The following ANK1 variants were observed in gnomAD, a reference collection of about 807,000 sequenced individuals.
ANK1 encodes the protein ankyrin-1.
ANK1 carries 51 observed loss-of-function variants against 210.4 expected under a neutral mutation model. That is an observed-to-expected ratio of 0.24 (90% CI 0.19 to 0.31). The LOEUF (loss-of-function observed/expected upper bound fraction) is 0.31, where lower values mean the gene tolerates loss of function less well. Ranked by LOEUF, ANK1 falls within the 10% of genes least tolerant of loss-of-function variation. The pLI, the probability that ANK1 is intolerant of heterozygous loss-of-function variation, is 1.00. For synonymous variants in ANK1, 967 were observed against 1,025.9 expected (o/e 0.94, Z 1.10); for missense variants, 2,051 against 2,504.4 (o/e 0.82, Z 3.86).
At chr8:41,767,241 G>A (rs543625482) in intron 1 of ANK1, among the ~76,000 whole-genome samples, 1 of 152,058 alleles carries the variant, frequency 6.6e-6, no homozygotes, top group African/African-American at 2.4e-5. Flanking sequence ...CGGGCGCGGA[G>A]CCACAACCCG....
chr8:41,733,903 G>C (rs1225045950), intron 3 of ANK1, 68 bp downstream of exon 3: 1 of 1,305,214 alleles, frequency 7.7e-7, no homozygotes, highest in Non-Finnish European at 1.1e-6. Flanking sequence ...TGAAGGACTG[G>C]TTTCTAAGGA....
intron 1 of ANK1, among the ~76,000 whole-genome samples, chr8:41,780,946 TG>T (rs1845187227): frequency 6.7e-6 from 1 of 148,438 alleles, no homozygotes; most frequent in African/African-American, 2.5e-5. Flanking sequence ...AGGATGCAGC[TG>T]GGGGTGGGGA....
At chr8:41,696,109 C>G (rs1016431352) in intron 26 of ANK1, among the ~76,000 whole-genome samples, 3 of 152,170 alleles carry the variant, frequency 2.0e-5, no homozygotes, top group Non-Finnish European at 4.4e-5. Flanking sequence ...AGGCTGGTCT[C>G]GAACTCCTGG....
chr8:41,714,841 CA>C (rs1563532395), intron 15 of ANK1, 134 bp downstream of exon 15: 4 of 921,448 alleles, frequency 4.3e-6, no homozygotes, highest in Non-Finnish European at 5.2e-6. Flanking sequence ...GCCTGGGCAA[CA>C]GAGCGAGACC....
intron 38 of ANK1, among the ~76,000 whole-genome samples, chr8:41,670,506 C>T (rs899744380): frequency 3.3e-5 from 5 of 152,176 alleles, no homozygotes; most frequent in East Asian, 1.9e-4. Context: ...GTCTCTCTCC[C>T]GGGAAGGCCA....
At chr8:41,705,295 C>G (rs980695157) in intron 18 of ANK1, among the ~76,000 whole-genome samples, 1 of 152,242 alleles carries the variant, frequency 6.6e-6, no homozygotes, top group African/African-American at 2.4e-5. Context: ...CAAGGCCATT[C>G]TAACCCACAG....
At position 41,661,893 on chromosome 8, in the gene ANK1, C is replaced by T. The variant is rs145506191; in HGVS notation, c.5527G>A (p.Ala1843Thr). The change falls in exon 41 of 43, where the codon GCC becomes ACC. Residue 1843 changes from alanine to threonine, a missense_variant. By Grantham distance (58) the Ala-to-Thr change is moderately conservative (BLOSUM62 0). Transcript: ENST00000289734. ...RQIDLSSADA[A>T]QEHEEVELRG... Reference sequence around the variant, plus strand: ...ACAGTCACCTCCTCGTGCTCCTGGGCGGCATCGGCGCTGGACAAGTCTATC... The same window carrying T: ...ACAGTCACCTCCTCGTGCTCCTGGGTGGCATCGGCGCTGGACAAGTCTATC... The T allele has an allele frequency of 5.6e-6, 9 of 1,613,938 alleles. No individual in the cohort carries two copies. Among genetic ancestry groups the T allele is most frequent in the African/African-American group, 2.7e-5 (2 of 74,910 alleles).
chr8:41,802,036 C>G (rs1403544587), upstream of ANK1, among the ~76,000 whole-genome samples: 1 of 152,152 alleles, frequency 6.6e-6, no homozygotes, highest in African/African-American at 2.4e-5. Flanking sequence ...GTCGCCCAGG[C>G]TAGAGTGCAA....
chr8:41,845,942 C>A (rs1197021133), intron 1 of ANK1, among the ~76,000 whole-genome samples: 1 of 152,148 alleles, frequency 6.6e-6, no homozygotes. Context: ...TCTTTTTCCC[C>A]CTACCTTCTC....
chr8:41,702,349 G>T (rs1335546118), intron 20 of ANK1, among the ~76,000 whole-genome samples: 1 of 152,168 alleles, frequency 6.6e-6, no homozygotes, highest in African/African-American at 2.4e-5. Context: ...AGACGGGTGT[G>T]GGAGGAGGGA....
At chr8:41,797,930 C>T (rs1238953897), upstream of ANK1, among the ~76,000 whole-genome samples, 1 of 151,818 alleles carries the variant, frequency 6.6e-6, no homozygotes, top group African/African-American at 2.4e-5. The surrounding 1 kb of genome is among the most constrained non-coding windows in gnomAD (Gnocchi z 4.0). Flanking sequence ...TAGTCGCGGG[C>T]AGGGCATCTC....
At chr8:41,802,114 C>T (rs1018695433), upstream of ANK1, among the ~76,000 whole-genome samples, 26 of 152,158 alleles carry the variant, frequency 1.7e-4, no homozygotes, top group Non-Finnish European at 3.1e-4. Flanking sequence ...CTCGGCCTCC[C>T]GAATAGCTGG....
intron 1 of ANK1, among the ~76,000 whole-genome samples, chr8:41,858,594 A>G (rs10092871): frequency 0.59 from 89,035 of 151,984 alleles, 28,049 homozygotes; most frequent in East Asian, 0.82. Flanking sequence ...AGCCGCAGGG[A>G]GCCCACAGAG....
At chr8:41,777,724 G>GT (rs1383170368) in intron 1 of ANK1, among the ~76,000 whole-genome samples, 1 of 152,172 alleles carries the variant, frequency 6.6e-6, no homozygotes, top group East Asian at 1.9e-4. Flanking sequence ...TCTAACATCA[G>GT]TGCTGAAGTC....
intron 17 of ANK1, among the ~76,000 whole-genome samples, chr8:41,707,220 G>A (rs978220169): frequency 6.6e-6 from 1 of 152,260 alleles, no homozygotes; most frequent in African/African-American, 2.4e-5. Flanking sequence ...TGGCATCACA[G>A]CTTCGTCAGG....
chr8:41,765,391 C>T (rs932185769), intron 1 of ANK1, among the ~76,000 whole-genome samples: 2 of 138,356 alleles, frequency 1.4e-5, no homozygotes, highest in African/African-American at 2.6e-5. Context: ...AAACTACAGG[C>T]GTGCACCACC....
chr8:41,843,656 C>T (rs1429029612), intron 1 of ANK1, among the ~76,000 whole-genome samples: 1 of 152,188 alleles, frequency 6.6e-6, no homozygotes, highest in African/African-American at 2.4e-5. Context: ...ATGAGAGGGA[C>T]TGGCAGACAC....
At chr8:41,747,768 C>T (rs1436341989) in intron 2 of ANK1, among the ~76,000 whole-genome samples, 1 of 152,172 alleles carries the variant, frequency 6.6e-6, no homozygotes, top group Non-Finnish European at 1.5e-5. Context: ...CATTCCGGAT[C>T]GTTCCTGAAG....
At chr8:41,836,193 C>T (rs1404805203) in intron 1 of ANK1, among the ~76,000 whole-genome samples, 4 of 152,272 alleles carry the variant, frequency 2.6e-5, no homozygotes, top group African/African-American at 7.2e-5. Context: ...TCTCACGGGA[C>T]GTGCCAGAGT....
Sources: allele counts gnomAD v4.1 joint callset (sites outside exome capture counted in the v4.1 genomes callset), GRCh38; gene constraint gnomAD v4.1.1; non-coding constraint Gnocchi (gnomAD v3.1); transcripts MANE v1.5; gene names NCBI Gene and HGNC (gene_info 2026-07-23, HGNC 2026-07-21).